RASGRF1: variants seen among roughly 807,000 people sequenced by gnomAD.
The protein encoded by RASGRF1 is ras-specific guanine nucleotide-releasing factor 1.
RASGRF1 carries 40 observed loss-of-function variants against 138.7 expected under a neutral mutation model. The observed-to-expected ratio is 0.29, with a 90% CI of 0.22 to 0.38. The LOEUF is 0.38. Ranked by LOEUF, RASGRF1 falls within the 10% of genes least tolerant of loss-of-function variation. RASGRF1 has a pLI of 1.00. For missense variants in RASGRF1, 1,108 were observed against 1,650.4 expected (o/e 0.67, Z 5.69); for synonymous variants, 614 against 663.2 (o/e 0.93, Z 1.14).
intron 11 of RASGRF1, among the ~76,000 whole-genome samples, chr15:79,019,058 T>C (rs1345763022): frequency 6.7e-6 from 1 of 150,354 alleles, no homozygotes; most frequent in African/African-American, 2.4e-5. Context: ...ACAGGGTGTG[T>C]GCATGAGGGC....
intron 1 of RASGRF1, among the ~76,000 whole-genome samples, chr15:79,085,146 A>G (rs1487346451): frequency 6.6e-6 from 1 of 152,230 alleles, no homozygotes; most frequent in East Asian, 1.9e-4. Context: ...GTATGAATGA[A>G]GAGTCCAGTG....
intron 1 of RASGRF1, among the ~76,000 whole-genome samples, chr15:79,082,093 G>C (rs1282978599): frequency 6.6e-6 from 1 of 152,136 alleles, no homozygotes. Flanking sequence ...GTGTGTGCCC[G>C]ATGATCAGAT....
At chr15:79,047,465 G>A (rs1210134641) in intron 4 of RASGRF1, among the ~76,000 whole-genome samples, 3 of 152,218 alleles carry the variant, frequency 2.0e-5, no homozygotes, top group African/African-American at 7.2e-5. Context: ...CTCATGCCTT[G>A]TCTTGTCTAA....
Position 79,017,885 on chromosome 15 carries a change from A to G in RASGRF1, c.1628T>C (p.Ile543Thr), listed in dbSNP as rs1453953953. ...EEEAKGSGQD[I>T]DHLDFKIGVE... ...CCCGATTTTAAAATCCAAGTGATCT[A>G]TGTCTTGGCCGGATCCTTTGGCTTC... Residue 543 changes from isoleucine (I) to threonine (T), a missense_variant, in exon 12 of 27, where the codon ATA (isoleucine) becomes ACA (threonine). This residue lies in a region of RASGRF1 where 686 missense variants were observed against 976.7 expected (regional missense o/e 0.70). Transcript: ENST00000558480. 6.2e-7 allele frequency: 1 copy of G among 1,613,406 alleles called. No individual in the cohort carries two copies. Among genetic ancestry groups the G allele is most frequent in the East Asian group, 2.2e-5 (1 of 44,852 alleles).
At chr15:78,985,795 C>T (rs1431104070) in intron 22 of RASGRF1, 2 of 152,230 alleles carry the variant, frequency 1.3e-5, no homozygotes, top group Non-Finnish European at 2.9e-5. Flanking sequence ...CGTGATGGCG[C>T]ATGCCTGTAA....
chr15:79,048,719 C>G (rs751019840), intron 4 of RASGRF1, among the ~76,000 whole-genome samples: 1 of 152,192 alleles, frequency 6.6e-6, no homozygotes, highest in African/African-American at 2.4e-5. Flanking sequence ...GGATGAAAAT[C>G]TCAAAATCTC....
intron 2 of RASGRF1, among the ~76,000 whole-genome samples, chr15:79,059,514 C>G (rs1305420115): frequency 6.6e-6 from 1 of 151,984 alleles, no homozygotes; most frequent in African/African-American, 2.4e-5. Flanking sequence ...GAGAAGGGAA[C>G]TTGGGGATCA....
At chr15:78,980,226 G>C (rs2141621362) in intron 24 of RASGRF1, 1 of 158,720 alleles carries the variant, frequency 6.3e-6, no homozygotes, top group East Asian at 1.8e-4. Flanking sequence ...GATGAATTCT[G>C]GAGTGAAAAA....
chr15:79,000,211 C>A (rs180831027), intron 16 of RASGRF1, among the ~76,000 whole-genome samples: 1 of 152,364 alleles, frequency 6.6e-6, no homozygotes, highest in Admixed American at 6.5e-5. Context: ...ACCCCTTCAC[C>A]TCTCAGGTCC....
At chr15:78,998,853 G>A (rs764825366) in intron 17 of RASGRF1, 28 bp from the exon 18 acceptor site, 2 of 1,528,836 alleles carry the variant, frequency 1.3e-6, no homozygotes, top group African/African-American at 1.4e-5. Flanking sequence ...AGAGGGGAGA[G>A]AGGACAGGTG....
At chr15:79,075,389 C>T (rs1390744751) in intron 1 of RASGRF1, among the ~76,000 whole-genome samples, 2 of 151,984 alleles carry the variant, frequency 1.3e-5, no homozygotes, top group African/African-American at 2.4e-5. Context: ...CATACCTGGC[C>T]CCAGTATGCC....
intron 2 of RASGRF1, among the ~76,000 whole-genome samples, chr15:79,062,690 C>A (rs1231554735): frequency 2.0e-5 from 3 of 152,022 alleles, no homozygotes; most frequent in African/African-American, 7.3e-5. Context: ...TTCCCTACCA[C>A]CCCCCGCTAT....
Position 79,046,466 on chromosome 15 carries a change from G to A in RASGRF1, c.878+280C>T, listed in dbSNP as rs1025079406. On this transcript the variant is annotated intron_variant, in intron 5 of 26. Transcript: ENST00000558480. This position sits in a 1 kb window ranked among gnomAD's most constrained non-coding sequence, Gnocchi z 5.3. ...CCCTCAAGTGGTGACAATCAACAAT[G>A]TTTCCAAACATTCCTAAGTGTTCCC... is the stretch of plus-strand genomic sequence containing the variant. Among the ~76,000 whole-genome samples the A allele has an allele frequency of 6.6e-6, 1 of 152,202 alleles. No individual in the cohort carries two copies. Among genetic ancestry groups the A allele is most frequent in the Admixed American group, 6.5e-5 (1 of 15,278 alleles).
intron 1 of RASGRF1, among the ~76,000 whole-genome samples, chr15:79,084,465 T>G (rs1285628470): frequency 6.6e-6 from 1 of 152,200 alleles, no homozygotes; most frequent in African/African-American, 2.4e-5. Context: ...CTGGCACTAT[T>G]CTCAGCCAGC....
At chr15:79,024,223 CACAG>C (rs941237522) in intron 10 of RASGRF1, among the ~76,000 whole-genome samples, 1 of 151,820 alleles carries the variant, frequency 6.6e-6, no homozygotes, top group African/African-American at 2.4e-5. Flanking sequence ...CACATAGACA[CACAG>C]ACACATACCA....
chr15:79,042,666 C>T (rs1209399176), intron 5 of RASGRF1, among the ~76,000 whole-genome samples: 4 of 152,214 alleles, frequency 2.6e-5, no homozygotes. Context: ...CCCAGCCTGC[C>T]CCCACTCTCT....
chr15:79,042,430 C>T (rs2057308700), intron 5 of RASGRF1, among the ~76,000 whole-genome samples: 1 of 152,322 alleles, frequency 6.6e-6, no homozygotes, highest in East Asian at 1.9e-4. Flanking sequence ...AGGTTCACAT[C>T]CTGGATCAGC....
intron 20 of RASGRF1, among the ~76,000 whole-genome samples, chr15:78,992,518 G>A (rs1193710154): frequency 6.6e-6 from 1 of 152,214 alleles, no homozygotes; most frequent in Non-Finnish European, 1.5e-5. Flanking sequence ...CCTCGTGGAA[G>A]GTCTGCTGGA....
At chr15:79,052,344 A>G (rs1291139464) in intron 3 of RASGRF1, among the ~76,000 whole-genome samples, 3 of 152,152 alleles carry the variant, frequency 2.0e-5, no homozygotes, top group Non-Finnish European at 4.4e-5. Context: ...TTAGCAGCCA[A>G]TGGTTTACTA....
Sources: gnomAD v4.1 joint callset for allele counts (sites outside exome capture counted in the v4.1 genomes callset) on GRCh38, gnomAD v4.1.1 for gene constraint, gnomAD v4.1.1 regional missense constraint, Gnocchi (gnomAD v3.1) non-coding constraint, MANE v1.5 for transcripts, NCBI Gene and HGNC (gene_info 2026-07-23, HGNC 2026-07-21) for gene names.